Variants in RC3H1 observed in about 807,000 individuals in gnomAD.
RC3H1 encodes roquin-1.
A neutral mutation model predicts 138.2 loss-of-function variants in RC3H1; 50 were observed. That is an observed-to-expected ratio of 0.36 (90% CI 0.29 to 0.46). RC3H1 has a LOEUF of 0.46. Among genes scored for constraint, RC3H1 ranks in the 20% least tolerant of loss-of-function variants. The pLI, the probability that RC3H1 is intolerant of heterozygous loss-of-function variation, is 1.00. For synonymous variants in RC3H1, 462 were observed against 489.1 expected, an observed-to-expected ratio of 0.94 and a Z score of 0.73; for missense variants, 1,031 against 1,388.1, an observed-to-expected ratio of 0.74 and a Z score of 4.09.
intron 1 of RC3H1, among the ~76,000 whole-genome samples, chr1:174,007,982 T>C (rs1453056296): frequency 6.6e-6 from 1 of 152,204 alleles, no homozygotes; most frequent in Non-Finnish European, 1.5e-5. Flanking sequence ...ATCTCCTCTT[T>C]ACTCAAGAAA....
intron 2 of RC3H1, among the ~76,000 whole-genome samples, chr1:173,989,562 T>C (rs1410483648): frequency 2.0e-5 from 3 of 152,146 alleles, no homozygotes; most frequent in Admixed American, 6.5e-5. Context: ...TCCTTGTGCT[T>C]TTTGGTGTCA....
In RC3H1 at chr1:173,986,427, C is replaced by T. The variant is rs368765956; in HGVS notation, c.232-1808G>A. Among the ~76,000 whole-genome samples, 33 of 152,284 alleles carry T rather than the reference C, an allele frequency of 2.2e-4. No individual in the cohort carries two copies. The East Asian group carries it at 4.2e-3, about 20-fold the overall frequency. On this transcript the variant is annotated intron_variant, in intron 2 of 19. Coordinates refer to ENST00000367696, the MANE Select transcript of RC3H1 (RefSeq NM_172071.4). ...AGTGCCGTGGCAGCATCTGGGCTCA[C>T]GCCACCACACCCAGCTAATTTTGTA...
Position 173,938,642 on chromosome 1 carries a change from T to C in RC3H1, c.*79A>G. 9.0e-7 allele frequency: 1 copy of C among 1,108,058 alleles called. No homozygotes were observed. The highest frequency in any genetic ancestry group is 1.6e-5 in the African/African-American group (1 of 63,282). The allele number at this position is 1,108,058 out of a possible 1,614,324, so 68.6% of individuals were successfully genotyped here. ...TCTGACCGCTCTTAAGAGAAAAAGT[T>C]TAGAAGTTATGCGTTCTCCTACCCC... On this transcript the variant is annotated 3_prime_UTR_variant, in exon 20 of 20. Transcript: ENST00000367696.
At chr1:174,009,209 A>G (rs1003051972) in intron 1 of RC3H1, 1 of 152,202 alleles carries the variant, frequency 6.6e-6, no homozygotes, top group African/African-American at 2.4e-5. Flanking sequence ...GGATTGCACA[A>G]TAAACAGATA....
intron 13 of RC3H1, among the ~76,000 whole-genome samples, chr1:173,952,678 T>C (rs542058576): frequency 6.6e-6 from 1 of 152,160 alleles, no homozygotes; most frequent in Non-Finnish European, 1.5e-5. Flanking sequence ...TAAATTCTGT[T>C]CCTTAGGTTG....
intron 1 of RC3H1, among the ~76,000 whole-genome samples, chr1:174,005,323 C>T (rs550109627): frequency 1.3e-5 from 2 of 152,272 alleles, no homozygotes; most frequent in African/African-American, 4.8e-5. Flanking sequence ...CCAAACTAAA[C>T]TCAGTCCAAA....
rs1055390002 is a variant in RC3H1, at chr1:173,935,130, T to C, written c.*3591A>G. On this transcript the variant is annotated 3_prime_UTR_variant, in exon 20 of 20. Coordinates refer to ENST00000367696, the MANE Select transcript of RC3H1 (RefSeq NM_172071.4). ...CTACTACTAGAAATCTAGCTAACTC[T>C]TCTTTTAATTAGAAAAGTAATAAGG... The C allele has an allele frequency of 1.3e-5, 2 of 152,232 alleles. No individual in the cohort carries two copies. Among genetic ancestry groups the C allele is most frequent in the Non-Finnish European group, 2.9e-5 (2 of 68,036 alleles). The allele number at this position is 152,232 out of a possible 1,614,324, so 9.4% of individuals were successfully genotyped here.
intron 13 of RC3H1, 169 bp downstream of exon 13, chr1:173,960,908 C>A: frequency 1.6e-6 from 1 of 626,322 alleles, no homozygotes; most frequent in Non-Finnish European, 2.7e-6. Context: ...CATTACATTA[C>A]ATACATACAA....
chr1:173,986,999 T>A (rs1029231450), intron 2 of RC3H1, among the ~76,000 whole-genome samples: 3 of 152,160 alleles, frequency 2.0e-5, no homozygotes, highest in Non-Finnish European at 4.4e-5. Flanking sequence ...GGATCTGTCA[T>A]TTTTCTCATG....
At chr1:174,019,363 T>C (rs1052497681) in intron 1 of RC3H1, among the ~76,000 whole-genome samples, 1 of 152,182 alleles carries the variant, frequency 6.6e-6, no homozygotes, top group Non-Finnish European at 1.5e-5. Context: ...CTGTGACACA[T>C]GTGGTAGTGG....
intron 1 of RC3H1, among the ~76,000 whole-genome samples, chr1:174,007,198 G>A (rs1661669523): frequency 6.6e-6 from 1 of 152,046 alleles, no homozygotes; most frequent in Non-Finnish European, 1.5e-5. Flanking sequence ...GACCATCCTG[G>A]CTAACACGGG....
intron 1 of RC3H1, among the ~76,000 whole-genome samples, chr1:174,021,819 C>G (rs1334102496): frequency 6.6e-6 from 1 of 152,216 alleles, no homozygotes; most frequent in African/African-American, 2.4e-5. Context: ...CCCTCTCGTC[C>G]GAGCCTCCCT....
chr1:174,005,355 A>C (rs1206787269), intron 1 of RC3H1, among the ~76,000 whole-genome samples: 2 of 152,332 alleles, frequency 1.3e-5, no homozygotes, highest in Non-Finnish European at 2.9e-5. Context: ...CAGAATTGTA[A>C]GCGAATAAAA....
intron 13 of RC3H1, 31 bp downstream of exon 13, chr1:173,961,046 G>A (rs745309947): frequency 2.3e-5 from 37 of 1,601,252 alleles, no homozygotes; most frequent in East Asian, 2.0e-4. Flanking sequence ...AAAAAAACAC[G>A]GATAAATGAG....
At position 173,932,202 on chromosome 1, in the gene RC3H1, C is replaced by T. The variant is rs1014847388; in HGVS notation, c.*6519G>A. 6 of 151,344 alleles carry T rather than the reference C, an allele frequency of 4.0e-5. No individual in the cohort carries two copies. The highest frequency in any genetic ancestry group is 6.6e-5 in the Admixed American group (1 of 15,170). 9.4% of individuals were successfully genotyped at this position (151,344 alleles called of 1,614,324 possible). On this transcript the variant is annotated 3_prime_UTR_variant, in exon 20 of 20. Transcript: ENST00000367696. ...TAAATTACACAAGCTCTATCCCAAG[C>T]AAATATGCACCAATGTTAAAAAGTT...
intron 19 of RC3H1, among the ~76,000 whole-genome samples, chr1:173,939,527 TCAAAA>T (rs1658745512): frequency 2.5e-5 from 1 of 39,712 alleles, no homozygotes; most frequent in African/African-American, 1.3e-4. Flanking sequence ...TGAGATTTTA[TCAAAA>T]AAAAAAAAAA....
At chr1:173,971,205 G>A (rs935135237) in intron 8 of RC3H1, among the ~76,000 whole-genome samples, 4 of 151,854 alleles carry the variant, frequency 2.6e-5, no homozygotes, top group East Asian at 1.9e-4. Flanking sequence ...CAAATGATCC[G>A]CCTGCCTCAG....
chr1:174,008,661 G>C (rs1214189940), intron 1 of RC3H1, among the ~76,000 whole-genome samples: 1 of 152,090 alleles, frequency 6.6e-6, no homozygotes, highest in Non-Finnish European at 1.5e-5. Context: ...AAAGCGGTTT[G>C]AAACAGAAAT....
In RC3H1 at chr1:173,966,328, A is replaced by C. The variant is rs139875605; in HGVS notation, c.1335-1208T>G. On this transcript the variant is annotated intron_variant, in intron 9 of 19. Coordinates refer to ENST00000367696, the MANE Select transcript of RC3H1 (RefSeq NM_172071.4). ...GCACATCGATTCTGAAATCTAACCAAAGGAAAAAATATAAGCCATCAGACT... is the reference window on the plus strand; with the variant it reads ...GCACATCGATTCTGAAATCTAACCACAGGAAAAAATATAAGCCATCAGACT... Among the ~76,000 whole-genome samples the C allele has an allele frequency of 6.8e-4, 104 of 152,306 alleles. 1 individual carries two copies. Among genetic ancestry groups the C allele is most frequent in the Middle Eastern group, 3.4e-3 (1 of 294 alleles).
Sources: allele counts gnomAD v4.1 joint callset (sites outside exome capture counted in the v4.1 genomes callset), GRCh38; gene constraint gnomAD v4.1.1; transcripts MANE v1.5; gene names NCBI Gene and HGNC (gene_info 2026-07-23, HGNC 2026-07-21).